Variants in DEPDC4 observed in about 807,000 individuals in gnomAD.
DEPDC4 encodes the protein DEP domain containing 4, also known as DEP domain-containing protein 4.
In DEPDC4, 52 loss-of-function variants were observed where a neutral mutation model predicts 52.0. The ratio of observed to expected loss-of-function variants is 1.00; its 90% CI spans 0.80 to 1.26. The LOEUF (loss-of-function observed/expected upper bound fraction) is 1.26. DEPDC4 is among the 50% of genes most tolerant of loss of function. The pLI is 0.00. For missense variants in DEPDC4, 530 were observed against 546.9 expected, an observed-to-expected ratio of 0.97 and a Z score of 0.31; for synonymous variants, 201 against 196.8, an observed-to-expected ratio of 1.02 and a Z score of -0.18.
intron 3 of DEPDC4, among the ~76,000 whole-genome samples, chr12:100,259,677 C>A (rs2096247032): frequency 6.6e-6 from 1 of 151,982 alleles, no homozygotes; most frequent in Non-Finnish European, 1.5e-5. Context: ...GAAAGAGACA[C>A]AAATCCCCAT....
At chr12:100,255,121 T>G (rs1360413914) in intron 4 of DEPDC4, among the ~76,000 whole-genome samples, 1 of 152,244 alleles carries the variant, frequency 6.6e-6, no homozygotes, top group East Asian at 1.9e-4. Context: ...ATGAAAAGAC[T>G]AATGACAGTT....
chr12:100,232,351 G>A (rs557199483), intron 9 of DEPDC4, among the ~76,000 whole-genome samples: 11 of 150,894 alleles, frequency 7.3e-5, no homozygotes, highest in South Asian at 2.1e-4. Context: ...AGCCACGTTC[G>A]CGCCACTGCA....
chr12:100,268,286 A>G (rs2096282122), upstream of DEPDC4, among the ~76,000 whole-genome samples: 1 of 152,214 alleles, frequency 6.6e-6, no homozygotes. Flanking sequence ...GTTCTGAAAA[A>G]TAAATAGTTT....
downstream of DEPDC4, among the ~76,000 whole-genome samples, chr12:100,239,114 T>C (rs2096148824): frequency 6.6e-6 from 1 of 152,198 alleles, no homozygotes; most frequent in Non-Finnish European, 1.5e-5. Context: ...TCTCTCCCTA[T>C]TGCTGAGGCT....
rs751730447 is a variant in DEPDC4, at chr12:100,263,852, T to C, written c.199A>G (p.Ile67Val). The change falls in exon 2 of 10, where the codon ATT becomes GTT. Residue 67 changes from isoleucine (I) to valine (V), a missense_variant. Ile to Val is a conservative substitution (Grantham distance 29, BLOSUM62 3). Transcript: ENST00000550587. ...PFQATQLWDG[I>V]IHSLQAQVEI... is the part of the protein sequence containing the mutation. Reference sequence around the variant, plus strand: ...ACTTGGGCCTGAAGAGAGTGAATAATACCATCCCATAGCTGAGTAGCTTGA... The same window carrying C: ...ACTTGGGCCTGAAGAGAGTGAATAACACCATCCCATAGCTGAGTAGCTTGA... The C allele has an allele frequency of 3.2e-5, 52 of 1,613,868 alleles. No homozygotes were observed. The highest frequency in any genetic ancestry group is 2.9e-4 in the African/African-American group (22 of 74,924).
chr12:100,271,745 C>T (rs2096287903), upstream of DEPDC4, among the ~76,000 whole-genome samples: 1 of 151,994 alleles, frequency 6.6e-6, no homozygotes, highest in South Asian at 2.1e-4. Context: ...AATGGAAGCT[C>T]ATTCTGCTTT....
chr12:100,281,965 A>ATT, the DEPDC4 span, among the ~76,000 whole-genome samples: 1 of 152,166 alleles, frequency 6.6e-6, no homozygotes, highest in Non-Finnish European at 1.5e-5. Flanking sequence ...GAAAAAGAAA[A>ATT]AATAAGAATA....
At chr12:100,237,954 TAGCAA>T (rs2096144289), downstream of DEPDC4, 1 of 404,054 alleles carries the variant, frequency 2.5e-6, no homozygotes, top group South Asian at 1.1e-4. Context: ...TAGTGATGAC[TAGCAA>T]ATCCCTACCT....
chr12:100,238,900 C>G (rs985524563), downstream of DEPDC4, among the ~76,000 whole-genome samples: 2 of 151,984 alleles, frequency 1.3e-5, no homozygotes, highest in Non-Finnish European at 2.9e-5. Context: ...ATTCTTGAAC[C>G]CAGTGGTTCT....
intron 8 of DEPDC4, among the ~76,000 whole-genome samples, chr12:100,247,488 G>A (rs990277363): frequency 1.6e-4 from 25 of 152,124 alleles, no homozygotes; most frequent in African/African-American, 6.0e-4. Flanking sequence ...TTACAGGCAT[G>A]AGCCACCGCA....
At chr12:100,237,993 G>A (rs2096144380), downstream of DEPDC4, 9 of 827,840 alleles carry the variant, frequency 1.1e-5, no homozygotes, top group Non-Finnish European at 1.3e-5. Context: ...CATTAAAATG[G>A]CAACTTTCCA....
intron 2 of DEPDC4, among the ~76,000 whole-genome samples, chr12:100,262,955 C>T (rs1269870173): frequency 6.6e-6 from 1 of 152,116 alleles, no homozygotes; most frequent in Non-Finnish European, 1.5e-5. Flanking sequence ...AATTCACATC[C>T]CATAAAATTC....
At chr12:100,236,442 G>A (rs1190369480), downstream of DEPDC4, among the ~76,000 whole-genome samples, 1 of 152,044 alleles carries the variant, frequency 6.6e-6, no homozygotes, top group South Asian at 2.1e-4. Context: ...CTAATTACTA[G>A]TGATGTTGAG....
chr12:100,262,260 T>C lies in DEPDC4; in HGVS notation c.700+4A>G, dbSNP rs748507446. 1.1e-5 allele frequency: 18 copies of C among 1,599,396 alleles called. No homozygotes were observed. The highest frequency in any genetic ancestry group is 1.8e-5 in the Admixed American group (1 of 54,334). ...GTTCTGAAAAAATAATGAAAACAAA[T>C]TACCTTCTTTTGAAAGCCGGAGAAA... is the stretch of plus-strand genomic sequence containing the variant. On this transcript the variant is annotated splice_donor_region_variant and intron_variant, in intron 3 of 9. Transcript: ENST00000550587.
intron 1 of DEPDC4, 92 bp from the exon 2 acceptor site, chr12:100,263,985 G>T: frequency 8.8e-7 from 1 of 1,138,656 alleles, no homozygotes; most frequent in Non-Finnish European, 1.2e-6. Flanking sequence ...CTTGTTGAAG[G>T]CATATCTGCT....
chr12:100,252,991 A>T (rs548523376), intron 5 of DEPDC4, among the ~76,000 whole-genome samples: 2 of 152,332 alleles, frequency 1.3e-5, no homozygotes, highest in African/African-American at 4.8e-5. Context: ...ATCTCGGCTC[A>T]CTACAAGCTC....
At position 100,264,039 on chromosome 12, in the gene DEPDC4, A is replaced by G. The variant is rs549642597; in HGVS notation, c.158-146T>C. On this transcript the variant is annotated intron_variant, in intron 1 of 9. Coordinates refer to ENST00000550587, the MANE Select transcript of DEPDC4 (RefSeq NM_001364818.2). The stretch of plus-strand genomic sequence containing the variant: ...TGTCATCTCACATCTTACATAAACT[A>G]TAGTATATTTACTAAGTTGCACCAT... 41 of 739,236 alleles carry G rather than the reference A, an allele frequency of 5.5e-5. No homozygotes were observed. The African/African-American group carries it at 6.9e-4, about 12-fold the overall frequency. 45.8% of individuals were successfully genotyped at this position (739,236 alleles called of 1,614,324 possible). A position where few individuals can be genotyped will look rare whatever the true frequency, so the allele number is the denominator to read the frequency against.
chr12:100,253,458 C>T, intron 5 of DEPDC4, 31 bp downstream of exon 5: 2 of 1,025,380 alleles, frequency 2.0e-6, no homozygotes, highest in Non-Finnish European at 2.6e-6. Flanking sequence ...TTTATTACAC[C>T]AAAAATTAAA....
chr12:100,268,901 G>A (rs1034039119), upstream of DEPDC4, among the ~76,000 whole-genome samples: 6 of 152,150 alleles, frequency 3.9e-5, no homozygotes, highest in African/African-American at 7.2e-5. Context: ...ATGAAGTCCT[G>A]TTGATTTTGC....
Sources: allele counts gnomAD v4.1 joint callset (sites outside exome capture counted in the v4.1 genomes callset), GRCh38; gene constraint gnomAD v4.1.1; transcripts MANE v1.5; gene names NCBI Gene and HGNC (gene_info 2026-07-23, HGNC 2026-07-21).